The following SGCD variants were observed in gnomAD, a reference collection of about 807,000 sequenced individuals.
SGCD encodes delta-sarcoglycan.
SGCD carries 18 observed loss-of-function variants against 36.6 expected under a neutral mutation model. The observed-to-expected ratio is 0.49, with a 90% CI of 0.34 to 0.73. The LOEUF (loss-of-function observed/expected upper bound fraction) is 0.73. Among genes scored for constraint, SGCD ranks in the 30% least tolerant of loss-of-function variants. SGCD has a pLI of 0.01. For synonymous variants in SGCD, 133 were observed against 130.6 expected, an observed-to-expected ratio of 1.02 and a Z score of -0.12; for missense variants, 387 against 346.7, an observed-to-expected ratio of 1.12 and a Z score of -0.92.
At chr5:156,301,380 A>G (rs888078703) in intron 3 of SGCD, among the ~76,000 whole-genome samples, 3 of 152,116 alleles carry the variant, frequency 2.0e-5, no homozygotes, top group Admixed American at 6.5e-5. Flanking sequence ...AGAGAAAACT[A>G]GTAAAAACTT....
chr5:155,807,014 CAT>C, the SGCD span, among the ~76,000 whole-genome samples: 133 of 152,266 alleles, frequency 8.7e-4, no homozygotes, highest in Non-Finnish European at 1.6e-3. Context: ...AATAATAACA[CAT>C]GTGCATAATA....
chr5:156,159,394 G>T (rs1297317380), intron 3 of SGCD, among the ~76,000 whole-genome samples: 1 of 151,276 alleles, frequency 6.6e-6, no homozygotes, highest in East Asian at 1.9e-4. Flanking sequence ...TGAAATTAGA[G>T]TTAAGCAAAT....
intron 3 of SGCD, among the ~76,000 whole-genome samples, chr5:156,251,527 T>TG (rs1401411279): frequency 6.6e-6 from 1 of 151,820 alleles, no homozygotes; most frequent in East Asian, 1.9e-4. Flanking sequence ...TACTACTTTT[T>TG]TTTTTTGAGA....
chr5:155,903,717 C>T (rs1756441076), intron 1 of SGCD, among the ~76,000 whole-genome samples: 1 of 152,122 alleles, frequency 6.6e-6, no homozygotes, highest in Non-Finnish European at 1.5e-5. Context: ...AATAAATATT[C>T]TTAAAACACC....
intron 1 of SGCD, among the ~76,000 whole-genome samples, chr5:155,962,250 T>G (rs924884998): frequency 1.3e-5 from 2 of 152,230 alleles, no homozygotes; most frequent in African/African-American, 4.8e-5. Flanking sequence ...TTACCGAGCT[T>G]AGGAAATCAT....
intron 7 of SGCD, among the ~76,000 whole-genome samples, chr5:156,695,273 G>C (rs1401091329): frequency 6.6e-6 from 1 of 151,996 alleles, no homozygotes; most frequent in African/African-American, 2.4e-5. Context: ...ATTTTAAATG[G>C]TAGACTTTGA....
intron 3 of SGCD, among the ~76,000 whole-genome samples, chr5:156,223,414 C>T (rs1764768903): frequency 1.3e-5 from 2 of 152,078 alleles, no homozygotes; most frequent in Non-Finnish European, 2.9e-5. Context: ...AAGAAGCCTG[C>T]TATGATGTAA....
intron 1 of SGCD, among the ~76,000 whole-genome samples, chr5:156,111,635 C>CTACACATA (rs1761788055): frequency 1.3e-5 from 2 of 151,370 alleles, no homozygotes; most frequent in Admixed American, 6.6e-5. Context: ...ATGAGAGGCC[C>CTACACATA]TGATGTGTAG....
chr5:156,695,087 G>C (rs1476118598), intron 7 of SGCD, among the ~76,000 whole-genome samples: 1 of 151,290 alleles, frequency 6.6e-6, no homozygotes. Context: ...AGAGTGCCAT[G>C]TTCTTAATTT....
intron 1 of SGCD, among the ~76,000 whole-genome samples, chr5:155,982,520 G>A (rs7726727): frequency 0.36 from 55,374 of 151,804 alleles, 10,327 homozygotes; most frequent in South Asian, 0.46. Flanking sequence ...TGGTACTCAA[G>A]GAGACCAGAT....
chr5:155,993,953 G>A (rs1040793992), intron 1 of SGCD, among the ~76,000 whole-genome samples: 4 of 152,100 alleles, frequency 2.6e-5, no homozygotes, highest in East Asian at 1.9e-4. Flanking sequence ...AGTTTCCACC[G>A]CTAGATGGGA....
chr5:156,759,838 C>A lies in SGCD; in HGVS notation c.*448C>A, dbSNP rs1757468052. ...TACGAGGGAGTGATGGCGGGAATCTCAGTCGCACTCAAGCTCTGAGACCTT... is the reference window on the plus strand; with the variant it reads ...TACGAGGGAGTGATGGCGGGAATCTAAGTCGCACTCAAGCTCTGAGACCTT... On this transcript the variant is annotated 3_prime_UTR_variant, in exon 9 of 9. Coordinates refer to ENST00000337851, the MANE Select transcript of SGCD (RefSeq NM_000337.6). The A allele has an allele frequency of 6.6e-6, 1 of 152,116 alleles. No homozygotes were observed. The highest frequency in any genetic ancestry group is 2.1e-4 in the South Asian group (1 of 4,822). The allele number at this position is 152,116 out of a possible 1,614,324, so 9.4% of individuals were successfully genotyped here. A position where few individuals can be genotyped will look rare whatever the true frequency, so the allele number is the denominator to read the frequency against.
At chr5:156,164,391 T>C (rs531847617) in intron 3 of SGCD, among the ~76,000 whole-genome samples, 16 of 152,260 alleles carry the variant, frequency 1.1e-4, no homozygotes, top group South Asian at 1.0e-3. Context: ...GCCTTTTTTT[T>C]CCCCTTTCTT....
the SGCD span, among the ~76,000 whole-genome samples, chr5:155,837,980 G>A: frequency 6.6e-6 from 1 of 152,214 alleles, no homozygotes; most frequent in East Asian, 1.9e-4. Context: ...ATGAAGAAAT[G>A]GAAACATACA....
intron 1 of SGCD, among the ~76,000 whole-genome samples, chr5:155,967,054 T>C (rs1757917934): frequency 6.6e-6 from 1 of 151,988 alleles, no homozygotes; most frequent in South Asian, 2.1e-4. Context: ...TTGTCGTGCA[T>C]ATTGGAGATC....
upstream of SGCD, among the ~76,000 whole-genome samples, chr5:156,323,402 G>A (rs994556894): frequency 6.6e-6 from 1 of 152,160 alleles, no homozygotes; most frequent in African/African-American, 2.4e-5. Context: ...AGAAATGGTC[G>A]AGTAGCTCCA....
chr5:155,991,772 A>G (rs568852678), intron 1 of SGCD, among the ~76,000 whole-genome samples: 1 of 152,162 alleles, frequency 6.6e-6, no homozygotes, highest in South Asian at 2.1e-4. Flanking sequence ...ATTTGTCATT[A>G]TTTTCTGACT....
At chr5:156,591,510 G>A (rs1325463093) in intron 5 of SGCD, among the ~76,000 whole-genome samples, 2 of 152,174 alleles carry the variant, frequency 1.3e-5, no homozygotes, top group Admixed American at 1.3e-4. Context: ...GCATCATGAG[G>A]GAGTGGGGAA....
intron 3 of SGCD, among the ~76,000 whole-genome samples, chr5:156,381,138 G>A (rs1247046713): frequency 1.3e-5 from 2 of 152,320 alleles, no homozygotes; most frequent in East Asian, 3.9e-4. Flanking sequence ...TGGAGGCCAA[G>A]GTAATCAGGC....
Sources: allele counts gnomAD v4.1 joint callset (sites outside exome capture counted in the v4.1 genomes callset), GRCh38; gene constraint gnomAD v4.1.1; transcripts MANE v1.5; gene names NCBI Gene and HGNC (gene_info 2026-07-23, HGNC 2026-07-21).